CLSTN1: variants seen among roughly 807,000 people sequenced by gnomAD.
CLSTN1 encodes calsyntenin-1.
In CLSTN1, 28 loss-of-function variants were observed where a neutral mutation model predicts 108.3. That is an observed-to-expected ratio of 0.26 (90% CI 0.19 to 0.35). The LOEUF is 0.35. Among genes scored for constraint, CLSTN1 ranks in the 10% least tolerant of loss-of-function variants. The probability of loss-of-function intolerance (pLI) is 1.00; values close to 1 mark genes in which losing one functional copy is unlikely to be tolerated. For synonymous variants in CLSTN1, 524 were observed against 534.9 expected (o/e 0.98, Z 0.28); for missense variants, 1,157 against 1,302.6 (o/e 0.89, Z 1.72).
chr1:9,746,862 A>G (rs1293175009), intron 7 of CLSTN1, among the ~76,000 whole-genome samples: 1 of 152,148 alleles, frequency 6.6e-6, no homozygotes, highest in African/African-American at 2.4e-5. Flanking sequence ...TGTTGGGAAC[A>G]TTAAGCTAAA....
chr1:9,791,200 T>TAGC (rs1196849535), intron 1 of CLSTN1, among the ~76,000 whole-genome samples: 1 of 147,554 alleles, frequency 6.8e-6, no homozygotes, highest in Non-Finnish European at 1.5e-5. Flanking sequence ...GGCTTAAATA[T>TAGC]AGCAACCCTA....
In CLSTN1 at chr1:9,812,870, C is replaced by A. The variant is rs796146168; in HGVS notation, c.91+10773G>T. ...TCTCAAAAAAAAAAAAAAAAACAAA[C>A]AAACCTATTGCTGACCAGGTGAGGT... On this transcript the variant is annotated intron_variant, in intron 1 of 18. Transcript: ENST00000377298. 1.6e-3 allele frequency among the ~76,000 whole-genome samples: 225 copies of A among 141,514 alleles called. 1 individual carries two copies. Among genetic ancestry groups the A allele is most frequent in the African/African-American group, 5.2e-3 (199 of 37,984 alleles). 92.8% of individuals were successfully genotyped at this position (141,514 alleles called of 152,430 possible).
intron 1 of CLSTN1, among the ~76,000 whole-genome samples, chr1:9,803,257 A>G (rs1182629512): frequency 6.6e-6 from 1 of 152,200 alleles, no homozygotes; most frequent in African/African-American, 2.4e-5. Flanking sequence ...TAACCTCTCA[A>G]GGGGAAACTG....
Position 9,788,247 on chromosome 1 carries a change from C to T in CLSTN1, c.92-14853G>A, listed in dbSNP as rs1456630512. On this transcript the variant is annotated intron_variant, in intron 1 of 18. Transcript: ENST00000377298. ...CTCCAGCCTGCATGACAGAGTGAGA[C>T]CCTGTCTCAAAAAAATAAAAATAAA... Among the ~76,000 whole-genome samples, 4 of 151,290 alleles carry T rather than the reference C, an allele frequency of 2.6e-5. No individual in the cohort carries two copies. In the Admixed American group the frequency reaches 2.7e-4, roughly 10 times the overall value.
Position 9,735,661 on chromosome 1 carries a change from C to T in CLSTN1, c.1735-46G>A, listed in dbSNP as rs12569008. ...GAGAGGAGAAGAATAAGCCAGTAAC[C>T]GCAGGAGCTGAAACCACAGATGCCT... On this transcript the variant is annotated intron_variant, in intron 12 of 18. Coordinates refer to ENST00000377298, the MANE Select transcript of CLSTN1 (RefSeq NM_001009566.3). 0.1 allele frequency: 164,577 copies of T among 1,609,278 alleles called. 20,901 individuals are homozygous for T. Among genetic ancestry groups the T allele is most frequent in the African/African-American group, 0.56 (42,062 of 74,808 alleles).
chr1:9,803,493 T>TAA (rs1185014144), intron 1 of CLSTN1, among the ~76,000 whole-genome samples: 1 of 152,204 alleles, frequency 6.6e-6, no homozygotes, highest in Admixed American at 6.6e-5. Context: ...AAAGGTCTTT[T>TAA]ATCGTGGTAG....
At chr1:9,819,372 C>T (rs1655108947) in intron 1 of CLSTN1, among the ~76,000 whole-genome samples, 1 of 152,074 alleles carries the variant, frequency 6.6e-6, no homozygotes, top group African/African-American at 2.4e-5. Flanking sequence ...AACATTTAGA[C>T]TTGGTTTAAT....
chr1:9,799,532 T>C (rs1424679734), intron 1 of CLSTN1, among the ~76,000 whole-genome samples: 2 of 151,738 alleles, frequency 1.3e-5, no homozygotes, highest in African/African-American at 4.9e-5. Context: ...TCCCAGCTAC[T>C]TGGGAGGCTG....
At chr1:9,735,306 G>A (rs1470680966) in intron 13 of CLSTN1, 132 bp from the exon 14 acceptor site, 1 of 1,361,294 alleles carries the variant, frequency 7.3e-7, no homozygotes, top group African/African-American at 1.4e-5. Flanking sequence ...GAACACACTT[G>A]CAAACAAGAT....
chr1:9,778,997 T>A (rs533753358), intron 1 of CLSTN1, among the ~76,000 whole-genome samples: 1 of 145,058 alleles, frequency 6.9e-6, no homozygotes, highest in African/African-American at 2.6e-5. Context: ...CACTCCAGCC[T>A]GGGAGAGAAG....
At chr1:9,797,714 G>A (rs1336455779) in intron 1 of CLSTN1, among the ~76,000 whole-genome samples, 1 of 152,102 alleles carries the variant, frequency 6.6e-6, no homozygotes, top group African/African-American at 2.4e-5. Context: ...TGAAGGAACA[G>A]AGGAGGCTTG....
intron 15 of CLSTN1, among the ~76,000 whole-genome samples, chr1:9,733,771 G>C (rs1248575918): frequency 6.6e-6 from 1 of 152,214 alleles, no homozygotes; most frequent in African/African-American, 2.4e-5. Context: ...CCCCTTTAGA[G>C]AGTAGTGGCT....
At chr1:9,781,279 C>G in intron 1 of CLSTN1, 1 of 703,734 alleles carries the variant, frequency 1.4e-6, no homozygotes, top group Non-Finnish European at 2.5e-6. Flanking sequence ...TCAAGCTCTG[C>G]AAGAGGATTT....
chr1:9,781,155 T>C, intron 1 of CLSTN1: 1 of 778,994 alleles, frequency 1.3e-6, no homozygotes, highest in Non-Finnish European at 2.3e-6. Context: ...GAACAAGAAA[T>C]TAACCCAGAA....
intron 1 of CLSTN1, among the ~76,000 whole-genome samples, chr1:9,814,168 G>A (rs1557727787): frequency 6.6e-6 from 1 of 151,554 alleles, no homozygotes; most frequent in Non-Finnish European, 1.5e-5. Context: ...CTAGCACTTT[G>A]GGAGGCTGAG....
At chr1:9,765,299 GC>G (rs909078821) in intron 2 of CLSTN1, among the ~76,000 whole-genome samples, 10 of 152,154 alleles carry the variant, frequency 6.6e-5, no homozygotes, top group African/African-American at 1.9e-4. Flanking sequence ...CAGGAGAATC[GC>G]TTGAACCCAG....
intron 1 of CLSTN1, among the ~76,000 whole-genome samples, chr1:9,788,633 C>T (rs1482032110): frequency 4.6e-5 from 7 of 150,934 alleles, no homozygotes; most frequent in African/African-American, 1.7e-4. Context: ...TTTGGGAGGC[C>T]GAGGCAGGCG....
chr1:9,792,148 T>C (rs189115489), intron 1 of CLSTN1, among the ~76,000 whole-genome samples: 1 of 150,802 alleles, frequency 6.6e-6, no homozygotes, highest in Non-Finnish European at 1.5e-5. Flanking sequence ...GTCGTGCCAC[T>C]GCACTCCAGC....
intron 11 of CLSTN1, among the ~76,000 whole-genome samples, chr1:9,737,040 T>G (rs1650728655): frequency 6.6e-6 from 1 of 151,750 alleles, no homozygotes; most frequent in Admixed American, 6.6e-5. Flanking sequence ...GCCACTGCAC[T>G]CCAGCCCAGA....
Sources: gnomAD v4.1 joint callset for allele counts (sites outside exome capture counted in the v4.1 genomes callset) on GRCh38, gnomAD v4.1.1 for gene constraint, MANE v1.5 for transcripts, NCBI Gene and HGNC (gene_info 2026-07-23, HGNC 2026-07-21) for gene names.